ST7: variants seen among roughly 807,000 people sequenced by gnomAD.
ST7 encodes suppressor of tumorigenicity 7 protein.
A neutral mutation model predicts 78.7 loss-of-function variants in ST7; 28 were observed. That is an observed-to-expected ratio of 0.36 (90% confidence interval 0.26 to 0.49). ST7 has a LOEUF of 0.49. Among genes scored for constraint, ST7 ranks in the 20% least tolerant of loss-of-function variants. The pLI is 0.99. For synonymous variants in ST7, 247 were observed against 249.6 expected (o/e 0.99, Z 0.10); for missense variants, 418 against 696.0 (o/e 0.60, Z 4.49).
intron 1 of ST7, among the ~76,000 whole-genome samples, chr7:117,028,528 G>C (rs1022795082): frequency 2.0e-5 from 3 of 152,130 alleles, no homozygotes; most frequent in African/African-American, 7.2e-5. Context: ...GGTCTGGCCT[G>C]GTGGTACGCA....
At chr7:117,084,686 G>A (rs1800010904) in intron 1 of ST7, among the ~76,000 whole-genome samples, 1 of 152,160 alleles carries the variant, frequency 6.6e-6, no homozygotes, top group Admixed American at 6.5e-5. Context: ...TTAGCCCATT[G>A]CTGGTTGTTT....
chr7:117,071,695 C>G (rs1584567512), intron 1 of ST7, among the ~76,000 whole-genome samples: 1 of 152,142 alleles, frequency 6.6e-6, no homozygotes, highest in Non-Finnish European at 1.5e-5. Flanking sequence ...CTCAGTTACA[C>G]CCTTGGATAA....
chr7:117,096,067 C>CAAAAAAAAAA (rs35970973), intron 1 of ST7, among the ~76,000 whole-genome samples: 13 of 35,708 alleles, frequency 3.6e-4, no homozygotes, highest in Admixed American at 1.0e-3. Context: ...GATTCTGCCT[C>CAAAAAAAAAA]AAAAAAAAAA....
intron 1 of ST7, among the ~76,000 whole-genome samples, chr7:116,957,415 C>G (rs1792564507): frequency 1.3e-5 from 2 of 151,696 alleles, no homozygotes; most frequent in African/African-American, 4.9e-5. Flanking sequence ...CTAGGTTGGG[C>G]TTGAACTCCT....
At chr7:117,223,024 C>G in intron 15 of ST7, 1 of 1,392,022 alleles carries the variant, frequency 7.2e-7, no homozygotes, top group African/African-American at 1.4e-5. Context: ...GCTCCTCCTC[C>G]TGTATTCCTG....
intron 1 of ST7, among the ~76,000 whole-genome samples, chr7:117,037,093 G>T (rs1287534700): frequency 3.9e-5 from 6 of 152,156 alleles, no homozygotes; most frequent in Non-Finnish European, 5.9e-5. Flanking sequence ...CATGGAAGTC[G>T]CATGGACAAC....
intron 12 of ST7, among the ~76,000 whole-genome samples, chr7:117,192,651 T>A (rs751125076): frequency 6.6e-6 from 1 of 152,182 alleles, no homozygotes; most frequent in Non-Finnish European, 1.5e-5. Context: ...TTTACCGTGA[T>A]CCTAACTAGA....
At chr7:116,998,900 A>C (rs1794800010) in intron 1 of ST7, among the ~76,000 whole-genome samples, 1 of 152,240 alleles carries the variant, frequency 6.6e-6, no homozygotes, top group African/African-American at 2.4e-5. Context: ...AGAACAAGCT[A>C]TCTCTCTGCA....
chr7:117,077,776 T>A (rs1333148032), intron 1 of ST7, among the ~76,000 whole-genome samples: 3 of 152,088 alleles, frequency 2.0e-5, no homozygotes, highest in Non-Finnish European at 2.9e-5. Context: ...GTTATCAAAT[T>A]TTTGGATTTT....
intron 1 of ST7, among the ~76,000 whole-genome samples, chr7:117,090,347 A>G (rs1800517099): frequency 6.6e-6 from 1 of 152,188 alleles, no homozygotes; most frequent in Non-Finnish European, 1.5e-5. Context: ...GGTTATTATC[A>G]GAAGTCCTGG....
rs1271131032 is a variant in ST7, at chr7:117,031,507, T to C, written c.152-68255T>C. 5.5e-5 allele frequency among the ~76,000 whole-genome samples: 5 copies of C among 91,062 alleles called. 2 individuals carry two copies. The highest frequency in any genetic ancestry group is 8.3e-5 in the African/African-American group (2 of 24,074). 59.7% of individuals were successfully genotyped at this position (91,062 alleles called of 152,430 possible). A position where few individuals can be genotyped will look rare whatever the true frequency, so the allele number is the denominator to read the frequency against. ...ATATGTGCATATATATGCATATATG[T>C]GTGTATATGTGCATATATATGCATA... On this transcript the variant is annotated intron_variant, in intron 1 of 15. Transcript: ENST00000323984.
In ST7 at chr7:117,026,110, G is replaced by C. The variant is rs1796170327; in HGVS notation, c.151+72419G>C. On this transcript the variant is annotated intron_variant, in intron 1 of 15. Coordinates refer to ENST00000323984, the MANE Select transcript of ST7 (RefSeq NM_001369598.1). ...GTCTATGGGGAAAATTACCATATAT[G>C]GAAACTTTCCCCATAGCATCCCCTT... Among the ~76,000 whole-genome samples, 9 of 152,232 alleles carry C rather than the reference G, an allele frequency of 5.9e-5. No homozygotes were observed. In the South Asian group the frequency reaches 1.9e-3, roughly 32 times the overall value.
intron 9 of ST7, among the ~76,000 whole-genome samples, chr7:117,144,993 A>G (rs1283001828): frequency 6.6e-6 from 1 of 152,116 alleles, no homozygotes; most frequent in African/African-American, 2.4e-5. Flanking sequence ...TGAGCCCAGG[A>G]GTTTGAGACC....
chr7:117,012,283 A>G (rs368675701), intron 1 of ST7, among the ~76,000 whole-genome samples: 1 of 142,356 alleles, frequency 7.0e-6, no homozygotes, highest in Non-Finnish European at 1.5e-5. Context: ...GTTTTTTGAA[A>G]TTTTTTTTTT....
Position 116,953,597 on chromosome 7 carries a change from T to G in ST7, c.57T>G (p.Ser19=), listed in dbSNP as rs754753980. Residue 19 remains serine (S), a synonymous_variant, in exon 1 of 16, where the codon TCT becomes TCG. Coordinates refer to ENST00000323984, the MANE Select transcript of ST7 (RefSeq NM_001369598.1). ...LEQLKSCIVW[S]WTYLWTVWFF... ...AGCTCAAGTCCTGCATAGTTTGGTC[T>G]TGGACGTATCTGTGGACCGTGTGGT... 2.1e-5 allele frequency: 32 copies of G among 1,506,418 alleles called. No homozygotes were observed. The South Asian group carries it at 3.7e-4, about 18-fold the overall frequency. 93.3% of individuals were successfully genotyped at this position (1,506,418 alleles called of 1,614,324 possible).
intron 1 of ST7, among the ~76,000 whole-genome samples, chr7:117,078,475 T>C (rs1169622413): frequency 1.3e-5 from 2 of 152,246 alleles, no homozygotes; most frequent in Non-Finnish European, 2.9e-5. Flanking sequence ...AGTTAACATG[T>C]TACTTTCATT....
intron 1 of ST7, among the ~76,000 whole-genome samples, chr7:117,001,356 C>T (rs1319476345): frequency 1.3e-5 from 2 of 152,168 alleles, no homozygotes; most frequent in Non-Finnish European, 2.9e-5. Flanking sequence ...AAGAAAACTA[C>T]CAATACTAAG....
intron 6 of ST7, 135 bp downstream of exon 6, chr7:117,132,095 A>T (rs1355051631): frequency 1.2e-5 from 11 of 908,854 alleles, no homozygotes; most frequent in East Asian, 5.2e-5. Context: ...TACTCTATTT[A>T]AAAAAGTTTT....
At chr7:116,979,623 T>C (rs960480569) in intron 1 of ST7, among the ~76,000 whole-genome samples, 5 of 152,184 alleles carry the variant, frequency 3.3e-5, no homozygotes, top group Admixed American at 1.3e-4. Context: ...CCTTAATCTC[T>C]CTTTGCTTCC....
Sources: allele counts gnomAD v4.1 joint callset (sites outside exome capture counted in the v4.1 genomes callset), GRCh38; gene constraint gnomAD v4.1.1; transcripts MANE v1.5; gene names NCBI Gene and HGNC (gene_info 2026-07-23, HGNC 2026-07-21).